RFC3: variants seen among roughly 807,000 people sequenced by gnomAD.
RFC3 encodes the protein A1 38 kDa subunit.
Under a neutral mutation model 45.1 loss-of-function variants are expected in RFC3, and 41 were observed. The observed-to-expected ratio is 0.91, with a 90% CI of 0.71 to 1.18. The LOEUF is 1.18. Ranked by LOEUF, RFC3 falls within the 50% of genes most tolerant of loss-of-function variation. The pLI, the probability that RFC3 is intolerant of heterozygous loss-of-function variation, is 0.00. For missense variants in RFC3, 423 were observed against 428.1 expected (o/e 0.99, Z 0.10); for synonymous variants, 149 against 144.0 (o/e 1.03, Z -0.25).
rs561423294 is a variant in RFC3, at chr13:33,902,917, A to G, written c.880-63170A>G. ...ACCCTAACGATAGCTGATGAGCTAA[A>G]AAAAAAAAAATTGCAAAAAGATCCC... On this transcript the variant is annotated intron_variant, in intron 8 of 8. Coordinates refer to the RFC3 transcript ENST00000434425. Among the ~76,000 whole-genome samples the G allele has an allele frequency of 8.8e-3, 980 of 110,986 alleles. 10 individuals are homozygous for G. The highest frequency in any genetic ancestry group is 0.065 in the African/African-American group (877 of 13,576). 72.8% of individuals were successfully genotyped at this position (110,986 alleles called of 152,430 possible).
chr13:33,949,602 G>T (rs200734755), intron 8 of RFC3, among the ~76,000 whole-genome samples: 3 of 152,176 alleles, frequency 2.0e-5, no homozygotes, highest in East Asian at 1.9e-4. Flanking sequence ...ACTGTGGTGT[G>T]CAGTAGAAGT....
intron 8 of RFC3, among the ~76,000 whole-genome samples, chr13:33,922,951 A>C (rs1347154935): frequency 1.3e-5 from 2 of 152,150 alleles, no homozygotes; most frequent in Non-Finnish European, 2.9e-5. Flanking sequence ...GGCATACAGT[A>C]AGTGTTCAAT....
At chr13:33,929,818 C>T (rs1172169097) in intron 8 of RFC3, among the ~76,000 whole-genome samples, 1 of 151,910 alleles carries the variant, frequency 6.6e-6, no homozygotes, top group Non-Finnish European at 1.5e-5. Flanking sequence ...CCAATTTATG[C>T]TATTAGAAAT....
chr13:33,885,500 C>T (rs1352115846), intron 8 of RFC3, among the ~76,000 whole-genome samples: 5 of 152,152 alleles, frequency 3.3e-5, no homozygotes, highest in Admixed American at 3.3e-4. Context: ...CCCCTCCCAG[C>T]CATCTAGGTT....
At chr13:33,947,502 A>G (rs570786034) in intron 8 of RFC3, among the ~76,000 whole-genome samples, 99 of 152,314 alleles carry the variant, frequency 6.5e-4, no homozygotes, top group Non-Finnish European at 1.1e-3. Context: ...GGGTGCTGCT[A>G]TAATGATACT....
At chr13:33,825,214 C>T (rs1226520308) in intron 3 of RFC3, among the ~76,000 whole-genome samples, 1 of 152,068 alleles carries the variant, frequency 6.6e-6, no homozygotes, top group African/African-American at 2.4e-5. Context: ...TAAATGACAG[C>T]TCAATACCTA....
intron 8 of RFC3, among the ~76,000 whole-genome samples, chr13:33,959,521 ATCATTC>A (rs2083042889): frequency 6.6e-6 from 1 of 152,148 alleles, no homozygotes; most frequent in African/African-American, 2.4e-5. Flanking sequence ...TTCCTATGAA[ATCATTC>A]TCAATCTCCT....
downstream of RFC3, among the ~76,000 whole-genome samples, chr13:33,969,659 G>A (rs868791193): frequency 1.3e-5 from 2 of 152,106 alleles, no homozygotes; most frequent in African/African-American, 4.8e-5. Context: ...AGAAAGATTC[G>A]ACCTGAAAGT....
chr13:33,819,134 C>T (rs1402460951), intron 1 of RFC3, among the ~76,000 whole-genome samples: 4 of 152,074 alleles, frequency 2.6e-5, no homozygotes, highest in South Asian at 2.1e-4. Context: ...TCAGGTGATC[C>T]GCCTGCCTCG....
chr13:33,958,929 A>C (rs754037267), intron 8 of RFC3, among the ~76,000 whole-genome samples: 2 of 152,172 alleles, frequency 1.3e-5, no homozygotes, highest in African/African-American at 2.4e-5. Flanking sequence ...GTTGGTATTT[A>C]TTCATTACTG....
intron 8 of RFC3, among the ~76,000 whole-genome samples, chr13:33,942,611 T>A (rs1464363576): frequency 1.3e-5 from 2 of 152,200 alleles, no homozygotes; most frequent in East Asian, 3.8e-4. Context: ...GATGTCTGAT[T>A]AAACTCTTGT....
intron 4 of RFC3, among the ~76,000 whole-genome samples, chr13:33,828,793 T>A (rs3135590): frequency 0.03 from 4,540 of 152,288 alleles, 135 homozygotes; most frequent in African/African-American, 0.069. Context: ...CCCAAAATGT[T>A]GGGATTACAG....
At chr13:33,949,344 CTCTTT>C (rs2082974502) in intron 8 of RFC3, among the ~76,000 whole-genome samples, 1 of 152,114 alleles carries the variant, frequency 6.6e-6, no homozygotes, top group South Asian at 2.1e-4. Context: ...TCAATTAAAC[CTCTTT>C]TCTTTATAAA....
chr13:33,830,902 T>A (rs747274859), intron 6 of RFC3, 47 bp downstream of exon 6: 1 of 1,560,602 alleles, frequency 6.4e-7, no homozygotes, highest in South Asian at 1.2e-5. Flanking sequence ...CCCCCAAGCT[T>A]TTTGGCACCA....
downstream of RFC3, among the ~76,000 whole-genome samples, chr13:33,970,867 A>G (rs2083106846): frequency 6.6e-6 from 1 of 152,216 alleles, no homozygotes; most frequent in African/African-American, 2.4e-5. Context: ...GCAGAGACTG[A>G]TCAGGTTCAG....
intron 8 of RFC3, among the ~76,000 whole-genome samples, chr13:33,871,768 T>C (rs1198007407): frequency 6.6e-6 from 1 of 152,198 alleles, no homozygotes; most frequent in African/African-American, 2.4e-5. Context: ...TTATGTAACA[T>C]TGGGGCCATT....
intron 4 of RFC3, 81 bp from the exon 5 acceptor site, chr13:33,829,754 TG>T: frequency 9.3e-7 from 1 of 1,080,602 alleles, no homozygotes; most frequent in Non-Finnish European, 1.4e-6. Flanking sequence ...GATTTCATCC[TG>T]GATAATGAGA....
rs139123720 is a variant in RFC3 at position 33,925,690 on chromosome 13, T to TAC, written c.880-40379_880-40378dup. ...AATTAAGTTAGTGTGTATGTATATA[T>TAC]ACACACACACACACACACATATACA... On this transcript the variant is annotated intron_variant, in intron 8 of 8. Transcript: ENST00000434425. Among the ~76,000 whole-genome samples, 928 of 148,634 alleles carry TAC rather than the reference T, an allele frequency of 6.2e-3. 15 individuals carry two copies. The highest frequency in any genetic ancestry group is 0.048 in the East Asian group (242 of 5,056).
intron 2 of RFC3, 52 bp from the exon 3 acceptor site, chr13:33,823,865 G>T: frequency 2.2e-6 from 2 of 902,956 alleles, no homozygotes; most frequent in East Asian, 2.7e-5. Flanking sequence ...ACAAAAGAGT[G>T]GGGAAATAGG....
Sources: allele counts gnomAD v4.1 joint callset (sites outside exome capture counted in the v4.1 genomes callset), GRCh38; gene constraint gnomAD v4.1.1; transcripts MANE v1.5; gene names NCBI Gene and HGNC (gene_info 2026-07-23, HGNC 2026-07-21).